Variants in NKAIN2 observed in about 807,000 individuals in gnomAD.
The protein encoded by NKAIN2 is sodium/potassium-transporting ATPase subunit beta-1-interacting protein 2.
NKAIN2 carries 14 observed loss-of-function variants against 32.6 expected under a neutral mutation model. The ratio of observed to expected loss-of-function variants is 0.43; its 90% CI spans 0.28 to 0.67. The LOEUF (loss-of-function observed/expected upper bound fraction) is 0.67. NKAIN2 is among the 30% of genes least tolerant of loss of function. The probability of loss-of-function intolerance (pLI) is 0.17; values close to 1 mark genes in which losing one functional copy is unlikely to be tolerated. For missense variants in NKAIN2, 198 were observed against 258.3 expected, an observed-to-expected ratio of 0.77 and a Z score of 1.60; for synonymous variants, 80 against 87.2, an observed-to-expected ratio of 0.92 and a Z score of 0.46.
intron 1 of NKAIN2, among the ~76,000 whole-genome samples, chr6:123,811,815 C>T (rs1241772605): frequency 6.6e-6 from 1 of 151,864 alleles, no homozygotes; most frequent in African/African-American, 2.4e-5. Flanking sequence ...TTTTTCTTCA[C>T]CCACCCATAA....
At chr6:124,064,962 A>G (rs1473602833) in intron 1 of NKAIN2, among the ~76,000 whole-genome samples, 4 of 152,184 alleles carry the variant, frequency 2.6e-5, no homozygotes, top group East Asian at 1.9e-4. Flanking sequence ...GTTTATCTAT[A>G]TCTTCAATGT....
chr6:124,015,898 T>C (rs906884311), intron 1 of NKAIN2, among the ~76,000 whole-genome samples: 2 of 152,304 alleles, frequency 1.3e-5, no homozygotes, highest in African/African-American at 4.8e-5. Flanking sequence ...TGTGGATTGA[T>C]GTGTTACTGA....
At chr6:124,714,571 T>C (rs1218075231) in intron 4 of NKAIN2, among the ~76,000 whole-genome samples, 2 of 152,188 alleles carry the variant, frequency 1.3e-5, no homozygotes, top group South Asian at 2.1e-4. Flanking sequence ...GTCCTACTTA[T>C]TACGGGCTAC....
intron 4 of NKAIN2, among the ~76,000 whole-genome samples, chr6:124,703,900 C>T (rs2114577130): frequency 6.6e-6 from 1 of 151,498 alleles, no homozygotes; most frequent in East Asian, 1.9e-4. Context: ...TCATATAGGA[C>T]ATAAAAAGGC....
intron 3 of NKAIN2, among the ~76,000 whole-genome samples, chr6:124,635,276 T>A (rs993831938): frequency 7.9e-5 from 12 of 151,904 alleles, no homozygotes; most frequent in African/African-American, 2.9e-4. Flanking sequence ...TATCTATCAT[T>A]ATGAAAACAT....
chr6:123,817,441 C>G (rs1773740252), intron 1 of NKAIN2, among the ~76,000 whole-genome samples: 1 of 152,134 alleles, frequency 6.6e-6, no homozygotes, highest in Non-Finnish European at 1.5e-5. Context: ...GGAAAGAGCA[C>G]TTAGAAATAA....
At chr6:124,472,780 T>C (rs930836962) in intron 3 of NKAIN2, among the ~76,000 whole-genome samples, 2 of 152,030 alleles carry the variant, frequency 1.3e-5, no homozygotes, top group African/African-American at 4.8e-5. Flanking sequence ...ATTTTTTAGA[T>C]AGTGTAGTAT....
intron 1 of NKAIN2, among the ~76,000 whole-genome samples, chr6:123,811,594 C>T (rs1250798289): frequency 2.2e-5 from 2 of 92,492 alleles, no homozygotes; most frequent in Non-Finnish European, 3.8e-5. Flanking sequence ...GCTGTTTCCT[C>T]ATTTGAAAAA....
At chr6:124,331,528 CAAAAAA>C (rs764118499) in intron 2 of NKAIN2, among the ~76,000 whole-genome samples, 1 of 66,934 alleles carries the variant, frequency 1.5e-5, no homozygotes, top group South Asian at 5.5e-4. Context: ...GACTCCGTCT[CAAAAAA>C]AAAAAAAAAA....
At chr6:124,269,968 A>G (rs9491101) in intron 1 of NKAIN2, among the ~76,000 whole-genome samples, 1 of 152,144 alleles carries the variant, frequency 6.6e-6, no homozygotes, top group East Asian at 1.9e-4. Context: ...GGTTTGATTG[A>G]CAATCTCCAT....
At chr6:124,032,223 G>T (rs1335666789) in intron 1 of NKAIN2, among the ~76,000 whole-genome samples, 1 of 134,678 alleles carries the variant, frequency 7.4e-6, no homozygotes, top group Non-Finnish European at 1.5e-5. Flanking sequence ...AGAACACTTG[G>T]ATACAGGATG....
intron 3 of NKAIN2, among the ~76,000 whole-genome samples, chr6:124,503,564 G>A (rs1447166821): frequency 1.3e-5 from 2 of 152,114 alleles, no homozygotes; most frequent in African/African-American, 4.8e-5. Flanking sequence ...TAGATAGGAA[G>A]GGGTTCATTA....
At chr6:124,589,894 T>G (rs1183807795) in intron 3 of NKAIN2, among the ~76,000 whole-genome samples, 1 of 152,070 alleles carries the variant, frequency 6.6e-6, no homozygotes, top group African/African-American at 2.4e-5. Flanking sequence ...GTTCTCATTA[T>G]TCACCTCCCA....
At chr6:124,263,592 G>GA (rs962601230) in intron 1 of NKAIN2, among the ~76,000 whole-genome samples, 2 of 151,988 alleles carry the variant, frequency 1.3e-5, no homozygotes, top group African/African-American at 4.8e-5. Flanking sequence ...CTTGTCAGAA[G>GA]AAAAAAATCA....
chr6:124,773,812 A>G (rs116833289), intron 4 of NKAIN2, among the ~76,000 whole-genome samples: 2,773 of 152,306 alleles, frequency 0.018, 73 homozygotes, highest in African/African-American at 0.062. Context: ...TAAAATAGTG[A>G]TCAAAGTAAA....
intron 2 of NKAIN2, among the ~76,000 whole-genome samples, chr6:124,333,515 C>A (rs1797748084): frequency 6.6e-6 from 1 of 151,938 alleles, no homozygotes; most frequent in African/African-American, 2.4e-5. Flanking sequence ...CAAAAATTAG[C>A]TGGGCGTGGT....
chr6:124,382,306 A>C (rs1053003756), intron 3 of NKAIN2, among the ~76,000 whole-genome samples: 4 of 152,116 alleles, frequency 2.6e-5, no homozygotes, highest in African/African-American at 9.7e-5. Context: ...ATTTATGAAC[A>C]ATCTATATTT....
At chr6:124,119,572 C>CT (rs1785777254) in intron 1 of NKAIN2, among the ~76,000 whole-genome samples, 1 of 152,138 alleles carries the variant, frequency 6.6e-6, no homozygotes, top group African/African-American at 2.4e-5. Context: ...GCATATGGGA[C>CT]TGTATCTAAC....
At chr6:124,420,723 A>G (rs1229143366) in intron 3 of NKAIN2, among the ~76,000 whole-genome samples, 1 of 152,144 alleles carries the variant, frequency 6.6e-6, no homozygotes, top group African/African-American at 2.4e-5. Flanking sequence ...CATCAAAGAC[A>G]TCCAAAGAGT....
Sources: gnomAD v4.1 joint callset for allele counts (sites outside exome capture counted in the v4.1 genomes callset) on GRCh38, gnomAD v4.1.1 for gene constraint, MANE v1.5 for transcripts, NCBI Gene and HGNC (gene_info 2026-07-23, HGNC 2026-07-21) for gene names.